CPSF4L: variants seen among roughly 807,000 people sequenced by gnomAD.
CPSF4L encodes putative cleavage and polyadenylation specificity factor subunit 4-like protein.
CPSF4L carries 18 observed loss-of-function variants against 24.0 expected under a neutral mutation model. The ratio of observed to expected loss-of-function variants is 0.75; its 90% CI spans 0.52 to 1.11. The LOEUF (loss-of-function observed/expected upper bound fraction) is 1.11. Ranked by LOEUF, CPSF4L falls within the 50% of genes least tolerant of loss-of-function variation. The pLI is 0.00. For synonymous variants in CPSF4L, 72 were observed against 77.2 expected (o/e 0.93, Z 0.35); for missense variants, 211 against 221.8 (o/e 0.95, Z 0.31).
At chr17:73,247,277 T>C, downstream of CPSF4L, 1 of 1,614,216 alleles carries the variant, frequency 6.2e-7, no homozygotes, top group Non-Finnish European at 8.5e-7. Flanking sequence ...AAGAGCACAG[T>C]ACCTCCATGC....
upstream of CPSF4L, chr17:73,262,025 G>A (rs1414598552): frequency 3.4e-6 from 2 of 582,310 alleles, no homozygotes; most frequent in Non-Finnish European, 6.1e-6. Flanking sequence ...CCAGTGCAGG[G>A]GCAGACACCC....
At chr17:73,250,809 A>G (rs2062002469) in intron 5 of CPSF4L, among the ~76,000 whole-genome samples, 1 of 152,238 alleles carries the variant, frequency 6.6e-6, no homozygotes, top group Non-Finnish European at 1.5e-5. Context: ...AGTCTTGTCT[A>G]GCAGGAGATG....
At chr17:73,253,641 A>C (rs1438788745) in intron 4 of CPSF4L, among the ~76,000 whole-genome samples, 1 of 152,182 alleles carries the variant, frequency 6.6e-6, no homozygotes, top group Non-Finnish European at 1.5e-5. Context: ...TATGGGCCTG[A>C]CCCTGTGTCA....
At chr17:73,242,169 T>C in the CPSF4L span, 7 of 946,324 alleles carry the variant, frequency 7.4e-6, no homozygotes, top group Admixed American at 1.8e-4. Context: ...TAGCCGTGGA[T>C]CCTTCGGCAC....
chr17:73,250,225 C>T, intron 5 of CPSF4L: 1 of 1,548,162 alleles, frequency 6.5e-7, no homozygotes, highest in African/African-American at 1.4e-5. Flanking sequence ...GCATCTTCTC[C>T]TGACCATAGG....
upstream of CPSF4L, among the ~76,000 whole-genome samples, chr17:73,263,473 T>C (rs550364769): frequency 2.0e-5 from 3 of 152,224 alleles, no homozygotes; most frequent in East Asian, 5.8e-4. Flanking sequence ...CAGAGCTCTC[T>C]CAATGGAGAG....
At chr17:73,247,195 C>G, downstream of CPSF4L, 1 of 1,562,836 alleles carries the variant, frequency 6.4e-7, no homozygotes, top group Non-Finnish European at 8.8e-7. Context: ...CGACAGAAAC[C>G]ATATGCCCTG....
At chr17:73,252,139 C>T (rs1261217314) in intron 5 of CPSF4L, among the ~76,000 whole-genome samples, 1 of 152,060 alleles carries the variant, frequency 6.6e-6, no homozygotes, top group African/African-American at 2.4e-5. Context: ...ACGGCACGTG[C>T]CTGCCTGCAC....
intron 5 of CPSF4L, among the ~76,000 whole-genome samples, chr17:73,251,813 A>G (rs2062007052): frequency 6.6e-6 from 1 of 152,228 alleles, no homozygotes; most frequent in Non-Finnish European, 1.5e-5. Flanking sequence ...ACTTGGGTCT[A>G]TAGAGTGTGT....
intron 2 of CPSF4L, among the ~76,000 whole-genome samples, chr17:73,259,814 A>G (rs143081841): frequency 6.6e-6 from 1 of 152,290 alleles, no homozygotes; most frequent in Non-Finnish European, 1.5e-5. Flanking sequence ...CCAGGGACAG[A>G]CTCATTTGGA....
At chr17:73,257,925 AC>A in intron 2 of CPSF4L, 92 bp from the exon 3 acceptor site, 2 of 1,359,658 alleles carry the variant, frequency 1.5e-6, no homozygotes, top group South Asian at 2.7e-5. Context: ...AGGGTACCTG[AC>A]TCAGTCCCCA....
downstream of CPSF4L, among the ~76,000 whole-genome samples, chr17:73,243,652 C>T (rs1343170433): frequency 6.6e-6 from 1 of 151,848 alleles, no homozygotes; most frequent in Non-Finnish European, 1.5e-5. Context: ...CCTCAGCCTC[C>T]TGAGTAGCTG....
chr17:73,242,930 TG>T, the CPSF4L span: 1 of 1,613,726 alleles, frequency 6.2e-7, no homozygotes, highest in Non-Finnish European at 8.5e-7. Context: ...TAAGGAAGAG[TG>T]GATTCGGTGG....
chr17:73,243,087 T>TG, the CPSF4L span: 4,846 of 909,116 alleles, frequency 5.3e-3, 16 homozygotes, highest in Non-Finnish European at 6.2e-3. Context: ...ATTTTTTTTT[T>TG]TTTTTTTTTT....
chr17:73,251,542 A>C (rs2062006133), intron 5 of CPSF4L, among the ~76,000 whole-genome samples: 1 of 152,178 alleles, frequency 6.6e-6, no homozygotes, highest in East Asian at 1.9e-4. Flanking sequence ...CAAACAGTGC[A>C]TATTTTATAC....
At chr17:73,251,103 T>C (rs2062004143) in intron 5 of CPSF4L, 1 of 1,542,786 alleles carries the variant, frequency 6.5e-7, no homozygotes, top group South Asian at 1.2e-5. Context: ...GCTGGCAAGC[T>C]ACAGCTGAAG....
rs749075573 is a variant in CPSF4L at position 73,252,656 on chromosome 17, G to A, written c.471C>T (p.Pro157=). Residue 157 remains proline (P), a synonymous_variant, in exon 5 of 6, where the codon CCC becomes CCT. Coordinates refer to ENST00000344935, the MANE Select transcript of CPSF4L (RefSeq NM_001129885.1). The part of the protein sequence containing the change: ...MCLNYLVGFC[P]EGPKCQFAQK... ...GAGCAAATTGGCACTTGGGTCCCTC[G>A]GGGCAGAAGCCAACTAAATAGTTGA... 43 of 1,551,260 alleles carry A rather than the reference G, an allele frequency of 2.8e-5. No individual in the cohort carries two copies. The highest frequency in any genetic ancestry group is 2.4e-5 in the East Asian group (1 of 40,936).
intron 5 of CPSF4L, among the ~76,000 whole-genome samples, chr17:73,252,232 C>G (rs188054055): frequency 1.3e-5 from 2 of 152,176 alleles, no homozygotes; most frequent in African/African-American, 4.8e-5. Context: ...CAGCCCAGCT[C>G]TCGCCCTCCC....
chr17:73,255,608 G>A (rs1417899740), intron 3 of CPSF4L, among the ~76,000 whole-genome samples: 1 of 151,968 alleles, frequency 6.6e-6, no homozygotes, highest in Non-Finnish European at 1.5e-5. Flanking sequence ...GAGAACGCCA[G>A]GGCTCAGAGA....
Sources: gnomAD v4.1 joint callset for allele counts (sites outside exome capture counted in the v4.1 genomes callset) on GRCh38, gnomAD v4.1.1 for gene constraint, MANE v1.5 for transcripts, NCBI Gene and HGNC (gene_info 2026-07-23, HGNC 2026-07-21) for gene names.